ZNF516: variants seen among roughly 807,000 people sequenced by gnomAD.
ZNF516 encodes the protein zinc finger protein 516.
Under a neutral mutation model 79.7 loss-of-function variants are expected in ZNF516, and 19 were observed. The ratio of observed to expected loss-of-function variants is 0.24; its 90% CI spans 0.17 to 0.35. ZNF516 has a LOEUF of 0.35. Ranked by LOEUF, ZNF516 falls within the 10% of genes least tolerant of loss-of-function variation. ZNF516 has a pLI of 1.00. For synonymous variants in ZNF516, 877 were observed against 739.5 expected (o/e 1.19, Z -3.02); for missense variants, 1,678 against 1,679.5 (o/e 1.00, Z 0.02).
chr18:76,432,204 C>G (rs1045348637), intron 3 of ZNF516, among the ~76,000 whole-genome samples: 2 of 152,244 alleles, frequency 1.3e-5, no homozygotes, highest in African/African-American at 4.8e-5. Context: ...CAGCACCTGC[C>G]CTCCTCCGCA....
upstream of ZNF516, chr18:76,495,724 G>A (rs1282631881): frequency 1.7e-6 from 2 of 1,182,036 alleles, no homozygotes; most frequent in Non-Finnish European, 2.1e-6. Flanking sequence ...GGTCCCGCCG[G>A]CGGGTACCTG....
intron 4 of ZNF516, among the ~76,000 whole-genome samples, chr18:76,377,711 C>T (rs1048739923): frequency 3.4e-4 from 48 of 139,470 alleles, no homozygotes; most frequent in Admixed American, 2.1e-3. Flanking sequence ...AGGCTTACAA[C>T]GTTATTTTTT....
At chr18:76,480,576 G>T (rs1328523691) in intron 1 of ZNF516, among the ~76,000 whole-genome samples, 1 of 150,816 alleles carries the variant, frequency 6.6e-6, no homozygotes, top group Non-Finnish European at 1.5e-5. Context: ...AGACTGGAGT[G>T]CAGTGGTGTG....
At chr18:76,401,052 CTG>C (rs1361706078) in intron 3 of ZNF516, among the ~76,000 whole-genome samples, 1 of 152,128 alleles carries the variant, frequency 6.6e-6, no homozygotes, top group African/African-American at 2.4e-5. Flanking sequence ...GAGGAAATAA[CTG>C]TATTTTCCTT....
chr18:76,452,159 C>G (rs1003660286), intron 2 of ZNF516, among the ~76,000 whole-genome samples: 4 of 152,206 alleles, frequency 2.6e-5, no homozygotes, highest in African/African-American at 9.7e-5. Context: ...GCCACTATCC[C>G]AGGGAGCAGC....
intron 3 of ZNF516, among the ~76,000 whole-genome samples, chr18:76,440,100 C>A (rs1379692351): frequency 6.6e-6 from 1 of 152,208 alleles, no homozygotes; most frequent in African/African-American, 2.4e-5. Context: ...ACACTCATAA[C>A]CTGTGCGTGG....
At position 76,361,638 on chromosome 18, in the gene ZNF516, TTTG is replaced by T. The variant is rs1031511337; in HGVS notation, c.*857_*859del. On this transcript the variant is annotated 3_prime_UTR_variant, in exon 7 of 7. Coordinates refer to ENST00000443185, the MANE Select transcript of ZNF516 (RefSeq NM_014643.4). ...TCGGGAGGACTCAGTGGCTAAATAATTTGTTAAGACGTATAGTCTTCCTTTGTA... is the reference window on the plus strand; with the variant it reads ...TCGGGAGGACTCAGTGGCTAAATAATTTAAGACGTATAGTCTTCCTTTGTA... The T allele has an allele frequency of 6.6e-6, 1 of 152,238 alleles. No homozygotes were observed. The highest frequency in any genetic ancestry group is 2.4e-5 in the African/African-American group (1 of 41,454). The allele number at this position is 152,238 out of a possible 1,614,324, so 9.4% of individuals were successfully genotyped here. A position where few individuals can be genotyped will look rare whatever the true frequency, so the allele number is the denominator to read the frequency against.
chr18:76,440,742 T>TTG lies in ZNF516; in HGVS notation c.1810+501_1810+502dup, dbSNP rs138856557. On this transcript the variant is annotated intron_variant, in intron 3 of 6. Coordinates refer to ENST00000443185, the MANE Select transcript of ZNF516 (RefSeq NM_014643.4). ...TGGAGGAAAGTGTGTGTGTGTGTGT[T>TTG]TGTGTGTGTGTGTGTGTGTGCGCGC... Among the ~76,000 whole-genome samples, 705 of 150,044 alleles carry TTG rather than the reference T, an allele frequency of 4.7e-3. 10 individuals are homozygous for TTG. The highest frequency in any genetic ancestry group is 0.013 in the South Asian group (63 of 4,754).
At position 76,366,410 on chromosome 18, in the gene ZNF516, C is replaced by T. The variant is rs185064660; in HGVS notation, c.3433-3853G>A. On this transcript the variant is annotated intron_variant, in intron 6 of 6. Coordinates refer to ENST00000443185, the MANE Select transcript of ZNF516 (RefSeq NM_014643.4). Reference sequence around the variant, plus strand: ...AATGCAGCAAATGAGGTAACTATGCCTATCTTGACAACACTTTTCTCAAAC... The same window carrying T: ...AATGCAGCAAATGAGGTAACTATGCTTATCTTGACAACACTTTTCTCAAAC... 7.0e-3 allele frequency among the ~76,000 whole-genome samples: 1,067 copies of T among 152,306 alleles called. 5 individuals are homozygous for T. Among genetic ancestry groups the T allele is most frequent in the Non-Finnish European group, 0.011 (739 of 68,026 alleles).
intron 2 of ZNF516, among the ~76,000 whole-genome samples, chr18:76,456,771 C>T (rs560400964): frequency 6.6e-6 from 1 of 152,300 alleles, no homozygotes; most frequent in South Asian, 2.1e-4. Flanking sequence ...GCCAGTGGCT[C>T]CATCCTAAAC....
Position 76,459,011 on chromosome 18 carries a change from TGA to T in ZNF516, c.-158+4015_-158+4016del, listed in dbSNP as rs1411874769. On this transcript the variant is annotated intron_variant, in intron 2 of 6. Coordinates refer to ENST00000443185, the MANE Select transcript of ZNF516 (RefSeq NM_014643.4). This position sits in a 1 kb window ranked among gnomAD's most constrained non-coding sequence, Gnocchi z 5.0. ...GTGCCCGAGGGTGTGTGTGTGTGTC[TGA>T]GAGAGCACATGTGTGTGATCTCTTA... 2.0e-5 allele frequency among the ~76,000 whole-genome samples: 3 copies of T among 152,212 alleles called. No homozygotes were observed. The highest frequency in any genetic ancestry group is 6.5e-5 in the Admixed American group (1 of 15,280).
In ZNF516 at chr18:76,467,046, TG is replaced by T. The variant is rs932828749; in HGVS notation, c.-271-3906del. The stretch of plus-strand genomic sequence containing the variant: ...GCAAAACCCAGGAGACGCTGGCCTC[TG>T]GGAAGTAAAATCAGGCAGAGGCAGC... On this transcript the variant is annotated intron_variant, in intron 1 of 6. Coordinates refer to ENST00000443185, the MANE Select transcript of ZNF516 (RefSeq NM_014643.4). This position sits in a 1 kb window ranked among gnomAD's most constrained non-coding sequence, Gnocchi z 4.2. 6.6e-5 allele frequency among the ~76,000 whole-genome samples: 10 copies of T among 152,030 alleles called. No individual in the cohort carries two copies. Among genetic ancestry groups the T allele is most frequent in the African/African-American group, 2.4e-4 (10 of 41,378 alleles).
intron 1 of ZNF516, chr18:76,490,940 T>C (rs1182997261): frequency 1.0e-6 from 1 of 985,298 alleles, no homozygotes; most frequent in Non-Finnish European, 1.2e-6. Flanking sequence ...GCGGAGACAC[T>C]GTGAGGTCAC....
At chr18:76,368,228 T>C (rs1045223203) in intron 6 of ZNF516, among the ~76,000 whole-genome samples, 12 of 152,182 alleles carry the variant, frequency 7.9e-5, no homozygotes, top group African/African-American at 2.9e-4. Flanking sequence ...TTTAAACCTC[T>C]ACCTATTACT....
chr18:76,485,498 G>T (rs758725865), intron 1 of ZNF516, among the ~76,000 whole-genome samples: 6 of 152,198 alleles, frequency 3.9e-5, no homozygotes, highest in Non-Finnish European at 8.8e-5. Context: ...TGGATGAATA[G>T]AAATTTGTTT....
chr18:76,405,155 A>G (rs909464673), intron 3 of ZNF516, among the ~76,000 whole-genome samples: 1 of 152,190 alleles, frequency 6.6e-6, no homozygotes, highest in Non-Finnish European at 1.5e-5. Context: ...CATCGGGAAC[A>G]CGGTTTCCAG....
At position 76,380,213 on chromosome 18, in the gene ZNF516, G is replaced by T. The variant is rs1414208401; in HGVS notation, c.1901C>A (p.Ala634Asp). ...GGACTCGCCGGTGTCTCTTTCCGAG[G>T]CGTTATCTCCCATCTTGTGACTCTG... ...GDQSHKMGDNASERDTGESKA... is the reference protein window; with the variant it reads ...GDQSHKMGDNDSERDTGESKA... The change falls in exon 4 of 7, where the codon GCC becomes GAC. Residue 634 changes from alanine (A) to aspartate (D), a missense_variant. Transcript: ENST00000443185. The T allele has an allele frequency of 1.2e-6, 2 of 1,613,978 alleles. No individual in the cohort carries two copies. The highest frequency in any genetic ancestry group is 2.2e-5 in the East Asian group (1 of 44,882).
chr18:76,415,462 T>TA (rs1361534600), intron 3 of ZNF516, among the ~76,000 whole-genome samples: 32 of 152,144 alleles, frequency 2.1e-4, no homozygotes, highest in African/African-American at 6.5e-4. Context: ...GCCATCGCCT[T>TA]AGACTGTAAG....
At position 76,493,965 on chromosome 18, in the gene ZNF516, CTT is replaced by C. The variant is rs1007731622; in HGVS notation, c.-272+1177_-272+1178del. On this transcript the variant is annotated intron_variant, in intron 1 of 6. Coordinates refer to ENST00000443185, the MANE Select transcript of ZNF516 (RefSeq NM_014643.4). The surrounding 1 kb of genome is among the most constrained non-coding windows in gnomAD (Gnocchi z 5.2). ...TTGCACACCCGGAGACCCGGTGACT[CTT>C]TATCAGCGGAATGAGTAAGACACAC... The C allele has an allele frequency of 4.6e-5, 7 of 152,206 alleles. No homozygotes were observed. The East Asian group carries it at 5.8e-4, about 13-fold the overall frequency. The allele number at this position is 152,206 out of a possible 1,614,324, so 9.4% of individuals were successfully genotyped here.
Sources: allele counts gnomAD v4.1 joint callset (sites outside exome capture counted in the v4.1 genomes callset), GRCh38; gene constraint gnomAD v4.1.1; non-coding constraint Gnocchi (gnomAD v3.1); transcripts MANE v1.5; gene names NCBI Gene and HGNC (gene_info 2026-07-23, HGNC 2026-07-21).